AGFG1: variants seen among roughly 807,000 people sequenced by gnomAD.
AGFG1 encodes the protein ArfGAP with FG repeats 1.
AGFG1 carries 10 observed loss-of-function variants against 60.6 expected under a neutral mutation model. The observed-to-expected ratio is 0.16, with a 90% CI of 0.10 to 0.28. The LOEUF is 0.28. AGFG1 is among the 10% of genes least tolerant of loss of function. The pLI is 1.00. For synonymous variants in AGFG1, 247 were observed against 242.9 expected (o/e 1.02, Z -0.16); for missense variants, 537 against 676.5 (o/e 0.79, Z 2.29).
At chr2:227,484,688 G>GTTTTTTTTTTT (rs745570416) in intron 1 of AGFG1, among the ~76,000 whole-genome samples, 30 of 25,118 alleles carry the variant, frequency 1.2e-3, no homozygotes, top group African/African-American at 2.9e-3. Context: ...TTTTTTTTTT[G>GTTTTTTTTTTT]TTTTTTTTTT....
rs1692986108 is a variant in AGFG1, at chr2:227,556,951, A to AG, written c.*2457dup. On this transcript the variant is annotated 3_prime_UTR_variant, in exon 13 of 13. Transcript: ENST00000310078. ...CCATCTCTAAAAAATGAAAAAAAGA[A>AG]GAGAGGTAGCTTTAAAGTGGTTTTT... The AG allele has an allele frequency of 6.6e-6, 1 of 152,186 alleles. No individual in the cohort carries two copies. The highest frequency in any genetic ancestry group is 2.1e-4 in the South Asian group (1 of 4,834). The allele number at this position is 152,186 out of a possible 1,614,324, so 9.4% of individuals were successfully genotyped here.
Position 227,472,580 on chromosome 2 carries a change from C to A in AGFG1, c.159C>A (p.Ser53=). The A allele has an allele frequency of 6.4e-7, 1 of 1,571,712 alleles. No individual in the cohort carries two copies. Residue 53 remains serine (S), a synonymous_variant, in exon 1 of 13, where the codon TCC becomes TCA. Coordinates refer to ENST00000310078, the MANE Select transcript of AGFG1 (RefSeq NM_004504.5). Reference sequence around the variant, plus strand: ...GCTCCTTCGTGTGTACCTCCTGCTCCGGCAGCCTGTGAGTGCGGGGCGGCC... The same window carrying A: ...GCTCCTTCGTGTGTACCTCCTGCTCAGGCAGCCTGTGAGTGCGGGGCGGCC... ...TVGSFVCTSC[S]GSLRGLNPPH... is the part of the protein sequence containing the mutation.
intron 11 of AGFG1, among the ~76,000 whole-genome samples, chr2:227,553,485 GATC>G (rs1692882998): frequency 1.6e-5 from 2 of 122,998 alleles, no homozygotes; most frequent in Admixed American, 9.8e-5. Context: ...AATAGAGTGA[GATC>G]ATGTCTCAAA....
At position 227,490,935 on chromosome 2, in the gene AGFG1, G is replaced by A. The variant is rs73081481; in HGVS notation, c.168-612G>A. 6.3e-3 allele frequency among the ~76,000 whole-genome samples: 952 copies of A among 152,216 alleles called. 10 individuals carry two copies. The highest frequency in any genetic ancestry group is 0.021 in the African/African-American group (885 of 41,540). On this transcript the variant is annotated intron_variant, in intron 1 of 12. Transcript: ENST00000310078. ...GCAGCAATTTTTTTGAATCTCTTCC[G>A]TATGTCCCTGCAGTTTCCTCTTGTA...
At position 227,524,786 on chromosome 2, in the gene AGFG1, G is replaced by C. The variant is rs1233158049; in HGVS notation, c.565G>C (p.Gly189Arg). The change falls in exon 5 of 13, where the codon GGG becomes CGG. Residue 189 changes from glycine (G) to arginine (R), a missense_variant. Physicochemically the swap from Gly to Arg is moderately radical, Grantham distance 125. Transcript: ENST00000310078. ...GTCCCCAGTTGTAGGTCGTTCTCAA[G>C]GGCAGCAGCAGGAGAAGAAGCAATT... ...SQSPVVGRSQ[G>R]QQQEKKQFDL... 7.4e-6 allele frequency: 12 copies of C among 1,614,126 alleles called. No individual in the cohort carries two copies. The highest frequency in any genetic ancestry group is 1.3e-5 in the African/African-American group (1 of 75,050).
At chr2:227,548,992 C>T (rs1026932707) in intron 10 of AGFG1, among the ~76,000 whole-genome samples, 4 of 141,932 alleles carry the variant, frequency 2.8e-5, no homozygotes, top group Non-Finnish European at 6.1e-5. Flanking sequence ...TTTTCACAGG[C>T]CCTTCTCCCT....
intron 10 of AGFG1, among the ~76,000 whole-genome samples, chr2:227,537,890 CTT>C (rs1692361059): frequency 6.6e-6 from 1 of 152,124 alleles, no homozygotes; most frequent in Non-Finnish European, 1.5e-5. Context: ...TAGTAAATCT[CTT>C]TGTCATTGAC....
At chr2:227,485,150 A>G (rs918815122) in intron 1 of AGFG1, among the ~76,000 whole-genome samples, 1 of 151,860 alleles carries the variant, frequency 6.6e-6, no homozygotes, top group Admixed American at 6.6e-5. Context: ...CCTTCCATTG[A>G]GAAGTCTACT....
chr2:227,537,925 G>A (rs1050519028), intron 10 of AGFG1, among the ~76,000 whole-genome samples: 5 of 152,028 alleles, frequency 3.3e-5, no homozygotes, highest in Non-Finnish European at 7.4e-5. Context: ...CACAGTATTA[G>A]GAGTTTGAGC....
rs1273970331 is a variant in AGFG1, at chr2:227,497,724, T to TTG, written c.261+6085_261+6086insGT. On this transcript the variant is annotated intron_variant, in intron 2 of 12. Coordinates refer to ENST00000310078, the MANE Select transcript of AGFG1 (RefSeq NM_004504.5). ...AAGCATATATAGCCAAATGAGTTTC[T>TTG]TTCTTGTTTTGTTTTTTTTTTTTTT... is the stretch of plus-strand genomic sequence containing the variant. Among the ~76,000 whole-genome samples, 24 of 124,390 alleles carry TTG rather than the reference T, an allele frequency of 1.9e-4. 1 individual carries two copies. Among genetic ancestry groups the TTG allele is most frequent in the Non-Finnish European group, 3.1e-4 (19 of 61,440 alleles). The allele number at this position is 124,390 out of a possible 152,430, so 81.6% of individuals were successfully genotyped here.
At chr2:227,490,068 G>A (rs1217571477) in intron 1 of AGFG1, among the ~76,000 whole-genome samples, 2 of 151,886 alleles carry the variant, frequency 1.3e-5, no homozygotes, top group Admixed American at 1.3e-4. Flanking sequence ...TCGTCGTCTC[G>A]GCCCCCCAAA....
intron 2 of AGFG1, among the ~76,000 whole-genome samples, chr2:227,501,780 A>G (rs775978544): frequency 3.2e-4 from 48 of 152,082 alleles, no homozygotes; most frequent in Non-Finnish European, 2.2e-4. Context: ...GACGGAGTCT[A>G]CTTCTGAGGC....
At chr2:227,554,208 A>G (rs955929056) in intron 12 of AGFG1, among the ~76,000 whole-genome samples, 1 of 152,202 alleles carries the variant, frequency 6.6e-6, no homozygotes, top group African/African-American at 2.4e-5. Flanking sequence ...CTTAGAATCT[A>G]TTACAAGAAC....
intron 1 of AGFG1, among the ~76,000 whole-genome samples, chr2:227,490,435 G>A (rs1339907388): frequency 2.0e-5 from 3 of 152,014 alleles, no homozygotes; most frequent in African/African-American, 4.8e-5. Flanking sequence ...AAAATTAGCC[G>A]GACGTGGTGG....
chr2:227,504,475 G>A (rs77441491), intron 2 of AGFG1, among the ~76,000 whole-genome samples: 4,367 of 152,298 alleles, frequency 0.029, 100 homozygotes, highest in Non-Finnish European at 0.043. Flanking sequence ...TTATGGGCTT[G>A]AGCCACTGTG....
At chr2:227,534,064 A>C (rs768631919) in intron 7 of AGFG1, among the ~76,000 whole-genome samples, 12 of 152,176 alleles carry the variant, frequency 7.9e-5, no homozygotes, top group Non-Finnish European at 1.8e-4. Flanking sequence ...CCCCATTGGC[A>C]GAGCTGAATG....
chr2:227,493,802 T>G (rs1287905662), intron 2 of AGFG1, among the ~76,000 whole-genome samples: 1 of 152,144 alleles, frequency 6.6e-6, no homozygotes, highest in African/African-American at 2.4e-5. Context: ...TGCAACATGG[T>G]ATTAGATAAA....
Position 227,526,750 on chromosome 2 carries a change from A to G in AGFG1, c.694+1835A>G, listed in dbSNP as rs1216381921. Among the ~76,000 whole-genome samples the G allele has an allele frequency of 2.7e-3, 382 of 139,274 alleles. No individual in the cohort carries two copies. In the Middle Eastern group the frequency reaches 0.044, roughly 16 times the overall value. 91.4% of individuals were successfully genotyped at this position (139,274 alleles called of 152,430 possible). ...GTAAAGATGGGGTTTCACCATGTTGACCAGGCTGGTCTCGAACTCCTGACC... is the reference window on the plus strand; with the variant it reads ...GTAAAGATGGGGTTTCACCATGTTGGCCAGGCTGGTCTCGAACTCCTGACC... On this transcript the variant is annotated intron_variant, in intron 5 of 12. Coordinates refer to ENST00000310078, the MANE Select transcript of AGFG1 (RefSeq NM_004504.5).
At chr2:227,485,307 G>C (rs1421949256) in intron 1 of AGFG1, among the ~76,000 whole-genome samples, 2 of 142,582 alleles carry the variant, frequency 1.4e-5, no homozygotes, top group Non-Finnish European at 1.5e-5. Context: ...CGTGATCTTA[G>C]CTCACTGCAA....
Sources: allele counts gnomAD v4.1 joint callset (sites outside exome capture counted in the v4.1 genomes callset), GRCh38; gene constraint gnomAD v4.1.1; transcripts MANE v1.5; gene names NCBI Gene and HGNC (gene_info 2026-07-23, HGNC 2026-07-21).